The following KIF18A variants were observed in gnomAD, a reference collection of about 807,000 sequenced individuals.
KIF18A encodes kinesin-like protein KIF18A.
KIF18A carries 67 observed loss-of-function variants against 103.3 expected under a neutral mutation model. The ratio of observed to expected loss-of-function variants is 0.65; its 90% CI spans 0.53 to 0.79. KIF18A has a LOEUF of 0.79. KIF18A is among the 30% of genes least tolerant of loss of function. KIF18A has a pLI of 0.00. For synonymous variants in KIF18A, 367 were observed against 355.5 expected (o/e 1.03, Z -0.36); for missense variants, 1,032 against 1,062.5 (o/e 0.97, Z 0.40).
intron 2 of KIF18A, among the ~76,000 whole-genome samples, chr11:28,096,424 A>T (rs1377415441): frequency 6.6e-6 from 1 of 152,186 alleles, no homozygotes; most frequent in Non-Finnish European, 1.5e-5. Context: ...GCTGGTATAT[A>T]AGGAAGGTTT....
intron 6 of KIF18A, among the ~76,000 whole-genome samples, chr11:28,086,329 G>A (rs952889840): frequency 2.0e-5 from 3 of 152,064 alleles, no homozygotes; most frequent in Admixed American, 2.0e-4. Flanking sequence ...TAATTACAAT[G>A]TTACAGACAT....
rs183351297 is a variant in KIF18A, at chr11:28,065,682, G to A, written c.1591-3166C>T. On this transcript the variant is annotated intron_variant, in intron 11 of 16. Coordinates refer to ENST00000263181, the MANE Select transcript of KIF18A (RefSeq NM_031217.4). ...ACCATTTTTAAAATTGGAAGCTTACGGTAATGTGGGATAGAAAAGGCAAAC... is the reference window on the plus strand; with the variant it reads ...ACCATTTTTAAAATTGGAAGCTTACAGTAATGTGGGATAGAAAAGGCAAAC... 3.1e-3 allele frequency among the ~76,000 whole-genome samples: 474 copies of A among 152,016 alleles called. 2 individuals are homozygous for A. The highest frequency in any genetic ancestry group is 5.4e-3 in the Non-Finnish European group (364 of 67,922).
chr11:28,038,745 A>G (rs1183770093), intron 13 of KIF18A, among the ~76,000 whole-genome samples: 3 of 151,688 alleles, frequency 2.0e-5, no homozygotes, highest in Non-Finnish European at 4.4e-5. Flanking sequence ...GAAAAATATG[A>G]TCCCTGTTCT....
At chr11:28,099,692 T>C (rs1453653180) in intron 1 of KIF18A, among the ~76,000 whole-genome samples, 1 of 152,104 alleles carries the variant, frequency 6.6e-6, no homozygotes, top group East Asian at 1.9e-4. Flanking sequence ...ATACAGGTAT[T>C]GTAGGAAGCT....
chr11:28,074,863 T>C (rs1251047610), intron 10 of KIF18A, among the ~76,000 whole-genome samples: 1 of 152,164 alleles, frequency 6.6e-6, no homozygotes, highest in African/African-American at 2.4e-5. Context: ...CATATGTCTA[T>C]GTAATTAAAT....
At position 28,069,247 on chromosome 11, in the gene KIF18A, A is replaced by C. The variant is rs758802777; in HGVS notation, c.1590+12T>G. Reference sequence around the variant, plus strand: ...CTACAAATTAAATCTGAACATACAGAGATATTTGTACCTTTGGAATATGAC... The same window carrying C: ...CTACAAATTAAATCTGAACATACAGCGATATTTGTACCTTTGGAATATGAC... On this transcript the variant is annotated intron_variant, in intron 11 of 16. Transcript: ENST00000263181. 2 of 1,602,522 alleles carry C rather than the reference A, an allele frequency of 1.2e-6. No homozygotes were observed. The highest frequency in any genetic ancestry group is 2.2e-5 in the East Asian group (1 of 44,762).
intron 12 of KIF18A, among the ~76,000 whole-genome samples, chr11:28,061,825 C>T (rs1469870337): frequency 6.6e-6 from 1 of 151,826 alleles, no homozygotes; most frequent in Non-Finnish European, 1.5e-5. Context: ...AGTTGACTGA[C>T]GTATCCAATG....
chr11:28,047,401 A>G (rs1446444131), intron 13 of KIF18A, among the ~76,000 whole-genome samples: 1 of 152,166 alleles, frequency 6.6e-6, no homozygotes, highest in African/African-American at 2.4e-5. Context: ...TGGGAATTAT[A>G]TAGTTTAGCA....
In KIF18A at chr11:28,084,804, T is replaced by A. The variant is rs1225664495; in HGVS notation, c.902A>T (p.Lys301Met). Residue 301 changes from lysine to methionine, a missense_variant, in exon 7 of 17, where the codon AAG (lysine) becomes ATG (methionine). Physicochemically the swap from Lys to Met is moderately conservative, Grantham distance 95. Transcript: ENST00000263181. Reference sequence around the variant, plus strand: ...ATTTCTGTAAGGGATATGCTGATTCTTTCTCTGAAAGCACAAAAAAGAGAT... The same window carrying A: ...ATTTCTGTAAGGGATATGCTGATTCATTCTCTGAAAGCACAAAAAAGAGAT... The part of the protein sequence containing the change: ...VINALADSKR[K>M]NQHIPYRNSK... 1 of 1,609,364 alleles carries A rather than the reference T, an allele frequency of 6.2e-7. No individual in the cohort carries two copies.
At chr11:28,036,749 T>C in intron 13 of KIF18A, 85 bp from the exon 14 acceptor site, 1 of 753,254 alleles carries the variant, frequency 1.3e-6, no homozygotes. Flanking sequence ...TAAGAAACCC[T>C]AATAATAAGG....
chr11:28,069,199 A>G, intron 11 of KIF18A, 60 bp downstream of exon 11: 1 of 1,296,758 alleles, frequency 7.7e-7, no homozygotes, highest in South Asian at 1.2e-5. Context: ...TAAGAAAAAG[A>G]ACACATTTTA....
At chr11:28,065,786 T>A (rs1308668457) in intron 11 of KIF18A, among the ~76,000 whole-genome samples, 1 of 152,024 alleles carries the variant, frequency 6.6e-6, no homozygotes, top group Non-Finnish European at 1.5e-5. Context: ...GGAATGCTGA[T>A]TACATGGACA....
chr11:28,096,984 T>C (rs1196197108), intron 2 of KIF18A, among the ~76,000 whole-genome samples: 1 of 152,062 alleles, frequency 6.6e-6, no homozygotes, highest in Non-Finnish European at 1.5e-5. Flanking sequence ...GGGCATGAGA[T>C]AATTAACATG....
chr11:28,046,744 A>AG (rs1850640627), intron 13 of KIF18A, among the ~76,000 whole-genome samples: 1 of 150,340 alleles, frequency 6.7e-6, no homozygotes, highest in Admixed American at 6.6e-5. Context: ...TAAATGAAAA[A>AG]AAAAAAAAGA....
intron 7 of KIF18A, 124 bp downstream of exon 7, chr11:28,084,508 C>G (rs186941854): frequency 3.0e-6 from 2 of 675,094 alleles, no homozygotes; most frequent in East Asian, 6.1e-5. Context: ...AGCAAAGACC[C>G]TTCTAACCCT....
At chr11:28,083,124 A>G in intron 8 of KIF18A, 45 bp downstream of exon 8, 2 of 1,559,850 alleles carry the variant, frequency 1.3e-6, no homozygotes, top group Non-Finnish European at 1.7e-6. Context: ...AATTCTATAA[A>G]TGAAGAACTG....
intron 9 of KIF18A, among the ~76,000 whole-genome samples, chr11:28,080,473 T>C (rs1343986109): frequency 6.6e-6 from 1 of 152,094 alleles, no homozygotes; most frequent in African/African-American, 2.4e-5. Flanking sequence ...CTTGAAATAT[T>C]GTAAACTTTT....
At chr11:28,092,311 C>T (rs960195876) in intron 3 of KIF18A, among the ~76,000 whole-genome samples, 4 of 152,006 alleles carry the variant, frequency 2.6e-5, no homozygotes, top group African/African-American at 4.8e-5. Flanking sequence ...GTATTTGTTT[C>T]GGTTATCCTT....
chr11:28,021,897 C>T (rs1850250423), intron 16 of KIF18A, among the ~76,000 whole-genome samples: 1 of 152,140 alleles, frequency 6.6e-6, no homozygotes, highest in Non-Finnish European at 1.5e-5. Context: ...ATTGCTTATC[C>T]ACTTTGTTGG....
Sources: allele counts gnomAD v4.1 joint callset (sites outside exome capture counted in the v4.1 genomes callset), GRCh38; gene constraint gnomAD v4.1.1; transcripts MANE v1.5; gene names NCBI Gene and HGNC (gene_info 2026-07-23, HGNC 2026-07-21).